The following PTPRT variants were observed in gnomAD, a reference collection of about 807,000 sequenced individuals.
PTPRT encodes receptor-type tyrosine-protein phosphatase T.
A neutral mutation model predicts 176.8 loss-of-function variants in PTPRT; 56 were observed. The observed-to-expected ratio is 0.32, with a 90% CI of 0.26 to 0.40. The LOEUF is 0.40. Among genes scored for constraint, PTPRT ranks in the 10% least tolerant of loss-of-function variants. The pLI is 1.00. For missense variants in PTPRT, 1,540 were observed against 1,908.2 expected (o/e 0.81, Z 3.60); for synonymous variants, 783 against 739.0 (o/e 1.06, Z -0.96).
chr20:42,771,450 G>A lies in PTPRT; in HGVS notation c.669C>T (p.Asp223=). 3 of 1,613,876 alleles carry A rather than the reference G, an allele frequency of 1.9e-6. No homozygotes were observed. Among genetic ancestry groups the A allele is most frequent in the East Asian group, 4.5e-5 (2 of 44,868 alleles). ...TCATGCTTACCTGGAGCCAAAGCTT[G>A]TCATGCTGAGACCACTTCCCACCAG... The part of the protein sequence containing the change: ...CIAGGKWSQH[D]KLWLQQWNGR... The change falls in exon 5 of 31, where the codon GAC becomes GAT. Residue 223 remains aspartate (D), a synonymous_variant. Transcript: ENST00000373187.
At chr20:42,538,094 T>C (rs1037306246) in intron 7 of PTPRT, among the ~76,000 whole-genome samples, 3 of 152,002 alleles carry the variant, frequency 2.0e-5, no homozygotes, top group Non-Finnish European at 2.9e-5. Context: ...AATCTTTATC[T>C]TACAGATGTG....
chr20:43,029,076 A>G (rs1239889401), intron 1 of PTPRT, among the ~76,000 whole-genome samples: 1 of 152,212 alleles, frequency 6.6e-6, no homozygotes, highest in Non-Finnish European at 1.5e-5. Context: ...CAGAGGTACA[A>G]GCTTTGAATT....
chr20:42,075,661 C>A lies in PTPRT; in HGVS notation c.*5218G>T, dbSNP rs963777020. The A allele has an allele frequency of 9.4e-6, 2 of 211,766 alleles. No individual in the cohort carries two copies. The highest frequency in any genetic ancestry group is 4.5e-5 in the African/African-American group (2 of 44,166). 13.1% of individuals were successfully genotyped at this position (211,766 alleles called of 1,614,324 possible). On this transcript the variant is annotated 3_prime_UTR_variant, in exon 31 of 31. Coordinates refer to ENST00000373187, the MANE Select transcript of PTPRT (RefSeq NM_007050.6). ...AGGTAACAGGATAAGGGCCTGGCTG[C>A]TACTCCCTGGGCCTCACTTCTGTTG...
chr20:42,095,860 T>C (rs781767102), intron 27 of PTPRT, among the ~76,000 whole-genome samples: 7 of 152,164 alleles, frequency 4.6e-5, no homozygotes, highest in South Asian at 2.1e-4. Flanking sequence ...CCTGAATCAA[T>C]AGACTCTCTC....
intron 1 of PTPRT, among the ~76,000 whole-genome samples, chr20:43,017,404 C>G (rs1413616227): frequency 6.6e-6 from 1 of 151,978 alleles, no homozygotes; most frequent in Non-Finnish European, 1.5e-5. Context: ...CCAATCGCAT[C>G]TCCCTCCCTC....
At chr20:42,890,574 AG>A (rs1568663325) in intron 1 of PTPRT, among the ~76,000 whole-genome samples, 1 of 152,208 alleles carries the variant, frequency 6.6e-6, no homozygotes, top group African/African-American at 2.4e-5. Flanking sequence ...AGTACAGGCT[AG>A]GGTGTCCTGC....
chr20:42,155,466 C>A (rs750767542), intron 17 of PTPRT, among the ~76,000 whole-genome samples: 4 of 152,070 alleles, frequency 2.6e-5, no homozygotes, highest in Non-Finnish European at 4.4e-5. Context: ...TATTTAGACT[C>A]CCAGAATATC....
intron 1 of PTPRT, among the ~76,000 whole-genome samples, chr20:42,915,414 G>T (rs149327355): frequency 4.5e-4 from 68 of 152,334 alleles, no homozygotes; most frequent in African/African-American, 1.6e-3. Flanking sequence ...GGGTCCCTGT[G>T]GGGGCCTGGC....
At chr20:42,992,280 T>C (rs1416180577) in intron 1 of PTPRT, among the ~76,000 whole-genome samples, 3 of 152,168 alleles carry the variant, frequency 2.0e-5, no homozygotes, top group Non-Finnish European at 4.4e-5. Context: ...AACCCGGACA[T>C]TGAAAAAACC....
intron 6 of PTPRT, among the ~76,000 whole-genome samples, chr20:42,744,051 T>C (rs1600688961): frequency 6.6e-6 from 1 of 152,310 alleles, no homozygotes; most frequent in South Asian, 2.1e-4. Flanking sequence ...TGAGGCCAGG[T>C]ACAAGGACAG....
intron 7 of PTPRT, among the ~76,000 whole-genome samples, chr20:42,554,429 C>T (rs1419085325): frequency 6.6e-6 from 1 of 152,104 alleles, no homozygotes; most frequent in African/African-American, 2.4e-5. Flanking sequence ...ATGTCATTGA[C>T]ACAATTATAT....
intron 7 of PTPRT, among the ~76,000 whole-genome samples, chr20:42,490,468 C>T (rs957414382): frequency 3.3e-5 from 5 of 152,024 alleles, no homozygotes; most frequent in Admixed American, 1.3e-4. Context: ...AATATTTGAT[C>T]ATTTGTATTA....
chr20:43,000,329 C>A (rs1336387343), intron 1 of PTPRT, among the ~76,000 whole-genome samples: 1 of 151,184 alleles, frequency 6.6e-6, no homozygotes, highest in East Asian at 1.9e-4. Flanking sequence ...TGAAAATATA[C>A]ACTTCCATTC....
chr20:42,239,586 C>T (rs1332587044), intron 14 of PTPRT, among the ~76,000 whole-genome samples: 1 of 151,750 alleles, frequency 6.6e-6, no homozygotes, highest in Non-Finnish European at 1.5e-5. Context: ...CCACGCCTGG[C>T]TAATTTTTTG....
At chr20:42,568,737 C>T (rs1412204214) in intron 7 of PTPRT, among the ~76,000 whole-genome samples, 2 of 151,976 alleles carry the variant, frequency 1.3e-5, no homozygotes, top group Admixed American at 6.6e-5. Context: ...CTTCAACTGT[C>T]CTGGATTCAT....
Position 42,390,563 on chromosome 20 carries a change from A to T in PTPRT, c.1561-38278T>A, listed in dbSNP as rs984207590. ...AGGCTAGTTCATGAAATGTATTATA[A>T]TTTCTTTCCCTTTTCTCTTGGCTCA... On this transcript the variant is annotated intron_variant, in intron 9 of 30. Coordinates refer to ENST00000373187, the MANE Select transcript of PTPRT (RefSeq NM_007050.6). Among the ~76,000 whole-genome samples, 10 of 152,270 alleles carry T rather than the reference A, an allele frequency of 6.6e-5. No homozygotes were observed. The South Asian group carries it at 2.1e-3, about 32-fold the overall frequency.
chr20:43,149,556 T>A (rs1600750061), intron 1 of PTPRT, among the ~76,000 whole-genome samples: 1 of 152,202 alleles, frequency 6.6e-6, no homozygotes, highest in East Asian at 1.9e-4. Flanking sequence ...CTGGGCTGTG[T>A]CCCTTATCAG....
intron 5 of PTPRT, among the ~76,000 whole-genome samples, chr20:42,758,661 C>A (rs930572967): frequency 1.3e-5 from 2 of 152,102 alleles, no homozygotes; most frequent in African/African-American, 4.8e-5. Flanking sequence ...GAGAGGCAGC[C>A]ATAACTCCCT....
chr20:42,049,243 A>G, the PTPRT span, among the ~76,000 whole-genome samples: 1 of 152,244 alleles, frequency 6.6e-6, no homozygotes, highest in Non-Finnish European at 1.5e-5. Flanking sequence ...CAGGGTATAT[A>G]TGTGACAATG....
Sources: gnomAD v4.1 joint callset for allele counts (sites outside exome capture counted in the v4.1 genomes callset) on GRCh38, gnomAD v4.1.1 for gene constraint, MANE v1.5 for transcripts, NCBI Gene and HGNC (gene_info 2026-07-23, HGNC 2026-07-21) for gene names.